The following CEP164 variants were observed in gnomAD, a reference collection of about 807,000 sequenced individuals.
CEP164 encodes the protein centrosomal protein 164.
A neutral mutation model predicts 182.7 loss-of-function variants in CEP164; 162 were observed. The observed-to-expected ratio is 0.89, with a 90% confidence interval of 0.78 to 1.01. CEP164 has a LOEUF of 1.01. Among genes scored for constraint, CEP164 ranks in the 50% least tolerant of loss-of-function variants. The probability of loss-of-function intolerance (pLI) is 0.00; values close to 1 mark genes in which losing one functional copy is unlikely to be tolerated. For synonymous variants in CEP164, 661 were observed against 690.0 expected (o/e 0.96, Z 0.66); for missense variants, 1,735 against 1,790.4 (o/e 0.97, Z 0.56).
rs2035722208 is a variant in CEP164, at chr11:117,328,762, T to TA, written c.-98+859dup. Among the ~76,000 whole-genome samples, 4 of 152,352 alleles carry TA rather than the reference T, an allele frequency of 2.6e-5. No individual in the cohort carries two copies. The South Asian group carries it at 8.3e-4, about 32-fold the overall frequency. ...CCCTTTAATTTATTCATCTAATAAA[T>TA]ACAGCAAACATTTGTCGGACATGCC... On this transcript the variant is annotated intron_variant, in intron 1 of 32. Coordinates refer to ENST00000278935, the MANE Select transcript of CEP164 (RefSeq NM_014956.5).
intron 2 of CEP164, among the ~76,000 whole-genome samples, chr11:117,337,673 T>C (rs554797354): frequency 1.2e-4 from 19 of 152,288 alleles, no homozygotes; most frequent in African/African-American, 4.6e-4. Context: ...AAAGTCCTTA[T>C]CATCTCGCCC....
At chr11:117,363,387 A>T in intron 7 of CEP164, 42 bp from the exon 8 acceptor site, 2 of 1,470,632 alleles carry the variant, frequency 1.4e-6, no homozygotes, top group Non-Finnish European at 1.9e-6. Flanking sequence ...TGGGTTGACC[A>T]GTTTCTTCAG....
intron 27 of CEP164, among the ~76,000 whole-genome samples, chr11:117,406,296 A>G (rs1262341638): frequency 1.3e-5 from 2 of 152,240 alleles, no homozygotes; most frequent in Non-Finnish European, 2.9e-5. Flanking sequence ...AAGCAAAAGC[A>G]GAAACCCCTG....
intron 4 of CEP164, among the ~76,000 whole-genome samples, chr11:117,351,309 G>T (rs770893915): frequency 6.6e-6 from 1 of 152,120 alleles, no homozygotes; most frequent in African/African-American, 2.4e-5. Context: ...CACTGCTCCC[G>T]GCAGGATTAT....
chr11:117,356,427 C>A, intron 5 of CEP164: 1 of 1,240,362 alleles, frequency 8.1e-7, no homozygotes, highest in Non-Finnish European at 1.0e-6. Context: ...GAGAGGGACT[C>A]GAGGTTTCTG....
intron 11 of CEP164, 60 bp downstream of exon 11, chr11:117,375,851 G>A: frequency 6.7e-7 from 1 of 1,488,220 alleles, no homozygotes. Context: ...AACTTTTTCG[G>A]ATGACCCAGA....
chr11:117,362,553 C>T lies in CEP164; in HGVS notation c.687+15C>T, dbSNP rs200387177. ...GTGACAACCAGGTAATGATGAAGTC[C>T]TCTCCCTGGCCTGGAAACCCTCTGT... is the stretch of plus-strand genomic sequence containing the variant. On this transcript the variant is annotated intron_variant, in intron 7 of 32. Coordinates refer to ENST00000278935, the MANE Select transcript of CEP164 (RefSeq NM_014956.5). The T allele has an allele frequency of 2.5e-4, 396 of 1,610,058 alleles. 1 individual carries two copies. Among genetic ancestry groups the T allele is most frequent in the South Asian group, 1.3e-3 (119 of 90,812 alleles).
intron 3 of CEP164, among the ~76,000 whole-genome samples, chr11:117,342,617 A>G (rs2038288241): frequency 1.3e-5 from 2 of 152,198 alleles, no homozygotes; most frequent in South Asian, 4.1e-4. Flanking sequence ...CTGGGACTAT[A>G]GGCACATGCC....
chr11:117,353,334 A>C (rs191715301), intron 5 of CEP164, among the ~76,000 whole-genome samples: 1 of 152,080 alleles, frequency 6.6e-6, no homozygotes, highest in Non-Finnish European at 1.5e-5. Context: ...TAACAAGCCC[A>C]TTCCTCCAGA....
intron 12 of CEP164, 121 bp from the exon 13 acceptor site, chr11:117,381,580 T>C: frequency 8.5e-7 from 1 of 1,182,294 alleles, no homozygotes. Flanking sequence ...GATGTGGGGG[T>C]GGGGCTGGAG....
upstream of CEP164, among the ~76,000 whole-genome samples, chr11:117,326,395 G>A (rs1477994953): frequency 6.6e-6 from 1 of 151,778 alleles, no homozygotes; most frequent in African/African-American, 2.4e-5. Context: ...ACCATGCCCA[G>A]CTAATTTTTG....
At chr11:117,329,086 A>C (rs2035789531) in intron 1 of CEP164, among the ~76,000 whole-genome samples, 1 of 152,104 alleles carries the variant, frequency 6.6e-6, no homozygotes, top group South Asian at 2.1e-4. Context: ...CAGCTGTCAG[A>C]ATCATTTATT....
At chr11:117,410,934 G>A in intron 31 of CEP164, 40 bp downstream of exon 31, 1 of 1,579,874 alleles carries the variant, frequency 6.3e-7, no homozygotes, top group Non-Finnish European at 8.7e-7. Context: ...GAACGTCATA[G>A]TCGAGCTGCT....
At chr11:117,397,962 A>C (rs1160069061) in intron 27 of CEP164, among the ~76,000 whole-genome samples, 1 of 152,208 alleles carries the variant, frequency 6.6e-6, no homozygotes, top group Non-Finnish European at 1.5e-5. Context: ...AACTCATTTC[A>C]GCATTAACCC....
intron 30 of CEP164, chr11:117,410,451 G>T: frequency 3.7e-6 from 1 of 269,228 alleles, no homozygotes; most frequent in South Asian, 5.3e-5. Flanking sequence ...TACCCAGTGA[G>T]TGAGTAACAA....
At position 117,394,191 on chromosome 11, in the gene CEP164, G is replaced by C. The variant is rs983963996; in HGVS notation, c.2617-159G>C. Among the ~76,000 whole-genome samples, 1 of 152,210 alleles carries C rather than the reference G, an allele frequency of 6.6e-6. No individual in the cohort carries two copies. Among genetic ancestry groups the C allele is most frequent in the Non-Finnish European group, 1.5e-5 (1 of 68,040 alleles). ...CAGGCTTGCTGGGGCCAGGGCCGGT[G>C]CTGTGCTTGTAACCCTCCTCTTCTC... On this transcript the variant is annotated intron_variant, in intron 20 of 32. Transcript: ENST00000278935. The surrounding 1 kb of genome is among the most constrained non-coding windows in gnomAD (Gnocchi z 4.0).
intron 14 of CEP164, among the ~76,000 whole-genome samples, chr11:117,383,246 A>G (rs1422389956): frequency 1.3e-5 from 2 of 152,158 alleles, no homozygotes; most frequent in Non-Finnish European, 2.9e-5. Context: ...TTTCCTGTCT[A>G]CCAAGCACTG....
At chr11:117,340,179 C>G (rs993166303) in intron 3 of CEP164, among the ~76,000 whole-genome samples, 4 of 152,106 alleles carry the variant, frequency 2.6e-5, no homozygotes, top group African/African-American at 9.7e-5. Flanking sequence ...ATGCGTGCCA[C>G]TGTGCTTGGG....
In CEP164 at chr11:117,348,997, A is replaced by T. The variant is rs531669077; in HGVS notation, c.195-2793A>T. Among the ~76,000 whole-genome samples, 6 of 152,178 alleles carry T rather than the reference A, an allele frequency of 3.9e-5. No homozygotes were observed. The South Asian group carries it at 1.2e-3, about 32-fold the overall frequency. ...CTTTCTTAAGGCTGAATAATATTCC[A>T]TTGCATGTATATACAACATTCTATT... On this transcript the variant is annotated intron_variant, in intron 4 of 32. Transcript: ENST00000278935.
Sources: allele counts gnomAD v4.1 joint callset (sites outside exome capture counted in the v4.1 genomes callset), GRCh38; gene constraint gnomAD v4.1.1; non-coding constraint Gnocchi (gnomAD v3.1); transcripts MANE v1.5; gene names NCBI Gene and HGNC (gene_info 2026-07-23, HGNC 2026-07-21).